Variants in NFKB1 observed in about 807,000 individuals in gnomAD.
NFKB1 encodes nuclear factor NF-kappa-B p105 subunit.
In NFKB1, 9 loss-of-function variants were observed where a neutral mutation model predicts 105.1. That is an observed-to-expected ratio of 0.09 (90% CI 0.05 to 0.15). The LOEUF (loss-of-function observed/expected upper bound fraction) is 0.15, where lower values mean the gene tolerates loss of function less well. Ranked by LOEUF, NFKB1 falls within the 10% of genes least tolerant of loss-of-function variation. The probability of loss-of-function intolerance (pLI) is 1.00; values close to 1 mark genes in which losing one functional copy is unlikely to be tolerated. For missense variants in NFKB1, 830 were observed against 1,203.7 expected, an observed-to-expected ratio of 0.69 and a Z score of 4.59; for synonymous variants, 440 against 442.2, an observed-to-expected ratio of 1.00 and a Z score of 0.06.
At chr4:102,576,814 C>T in intron 6 of NFKB1, 62 bp from the exon 7 acceptor site, 5 of 1,520,234 alleles carry the variant, frequency 3.3e-6, no homozygotes, top group Non-Finnish European at 8.9e-7. Context: ...GCCAGATTCC[C>T]TAGACATTAA....
At chr4:102,506,600 AT>A (rs1739431325) in intron 1 of NFKB1, among the ~76,000 whole-genome samples, 1 of 152,178 alleles carries the variant, frequency 6.6e-6, no homozygotes, top group South Asian at 2.1e-4. Context: ...GAATTTCTGA[AT>A]TGAACCATTT....
At chr4:102,522,402 T>G (rs1246923879) in intron 1 of NFKB1, among the ~76,000 whole-genome samples, 2 of 152,192 alleles carry the variant, frequency 1.3e-5, no homozygotes, top group African/African-American at 4.8e-5. Context: ...TGGACTGCTG[T>G]TAGGCTTTTG....
At position 102,588,652 on chromosome 4, in the gene NFKB1, C is replaced by T. The variant is rs1045619797; in HGVS notation, c.1066+3832C>T. Among the ~76,000 whole-genome samples the T allele has an allele frequency of 2.6e-5, 4 of 152,132 alleles. No individual in the cohort carries two copies. In the South Asian group the frequency reaches 8.3e-4, roughly 32 times the overall value. The stretch of plus-strand genomic sequence containing the variant: ...AGGTAGCAAACACTAGGAGATTATC[C>T]ATATTTGTGAATTGAACTATTATCT... On this transcript the variant is annotated intron_variant, in intron 11 of 23. Coordinates refer to ENST00000226574, the MANE Select transcript of NFKB1 (RefSeq NM_003998.4).
chr4:102,587,072 A>G (rs970590922), intron 11 of NFKB1, among the ~76,000 whole-genome samples: 4 of 152,194 alleles, frequency 2.6e-5, no homozygotes, highest in African/African-American at 9.7e-5. Flanking sequence ...CTTTCTTCAC[A>G]TGAGATTTCA....
chr4:102,534,064 C>T (rs568841327), intron 4 of NFKB1, among the ~76,000 whole-genome samples, 179 bp downstream of exon 4: 2 of 152,156 alleles, frequency 1.3e-5, no homozygotes, highest in East Asian at 1.9e-4. Context: ...ACTCATTGTT[C>T]ACACTGTCCT....
chr4:102,592,188 T>C (rs2149201990), intron 11 of NFKB1, among the ~76,000 whole-genome samples: 1 of 152,338 alleles, frequency 6.6e-6, no homozygotes, highest in South Asian at 2.1e-4. Flanking sequence ...AATCTACTCC[T>C]GGAGAAGATG....
intron 1 of NFKB1, among the ~76,000 whole-genome samples, chr4:102,522,813 GCTT>G (rs1740654773): frequency 6.6e-6 from 1 of 152,130 alleles, no homozygotes; most frequent in Admixed American, 6.6e-5. Flanking sequence ...GGAAGTTTGA[GCTT>G]CTGTGGTATT....
intron 1 of NFKB1, among the ~76,000 whole-genome samples, chr4:102,521,916 G>A (rs971096444): frequency 6.6e-6 from 1 of 152,208 alleles, no homozygotes; most frequent in Non-Finnish European, 1.5e-5. Flanking sequence ...TTTGTTGCTA[G>A]CTAGCTATAC....
intron 7 of NFKB1, 147 bp from the exon 8 acceptor site, chr4:102,578,734 T>A: frequency 1.3e-6 from 1 of 752,556 alleles, no homozygotes; most frequent in South Asian, 2.2e-5. Context: ...AGACTGTTTT[T>A]AACACTTTAT....
rs151274192 is a variant in NFKB1 at position 102,539,562 on chromosome 4, A to T, written c.258+1606A>T. On this transcript the variant is annotated intron_variant, in intron 5 of 23. Coordinates refer to ENST00000226574, the MANE Select transcript of NFKB1 (RefSeq NM_003998.4). ...GTCCACAGAAGCAGACCACGGTCTTATGGCCTCACATCCTTTAGAACCTTG... is the reference window on the plus strand; with the variant it reads ...GTCCACAGAAGCAGACCACGGTCTTTTGGCCTCACATCCTTTAGAACCTTG... Among the ~76,000 whole-genome samples the T allele has an allele frequency of 7.2e-4, 110 of 152,292 alleles. 1 individual carries two copies. The highest frequency in any genetic ancestry group is 1.4e-3 in the Non-Finnish European group (96 of 68,020).
chr4:102,587,514 G>T (rs185937141), intron 11 of NFKB1, among the ~76,000 whole-genome samples: 69 of 151,978 alleles, frequency 4.5e-4, no homozygotes, highest in Non-Finnish European at 9.3e-4. Flanking sequence ...AGAAAAGTAT[G>T]TTATAGTGGG....
intron 6 of NFKB1, 79 bp downstream of exon 6, chr4:102,567,214 C>A (rs969535851): frequency 1.4e-6 from 2 of 1,467,704 alleles, no homozygotes; most frequent in Non-Finnish European, 1.9e-6. Context: ...GAACAGGCCC[C>A]TTTCATTAGG....
intron 5 of NFKB1, among the ~76,000 whole-genome samples, chr4:102,549,637 G>T (rs1460488535): frequency 6.6e-6 from 1 of 151,896 alleles, no homozygotes; most frequent in Admixed American, 6.6e-5. Flanking sequence ...CCACTTGTTT[G>T]ACATTGCCAC....
intron 11 of NFKB1, among the ~76,000 whole-genome samples, chr4:102,591,436 A>G (rs1726165583): frequency 2.0e-5 from 3 of 151,674 alleles, no homozygotes; most frequent in Non-Finnish European, 4.4e-5. Flanking sequence ...AAAAAAAAAA[A>G]AGGCAGACTT....
intron 3 of NFKB1, among the ~76,000 whole-genome samples, chr4:102,532,300 C>G (rs1741343071): frequency 6.6e-6 from 1 of 152,014 alleles, no homozygotes; most frequent in African/African-American, 2.4e-5. Context: ...GTTCTCTAGC[C>G]TTATCCTGAT....
At chr4:102,578,674 G>A (rs1030568791) in intron 7 of NFKB1, 4 of 521,856 alleles carry the variant, frequency 7.7e-6, no homozygotes, top group African/African-American at 7.7e-5. Context: ...CTGTAATCCG[G>A]AGAAAATGCA....
Position 102,586,113 on chromosome 4 carries a change from T to G in NFKB1, c.1066+1293T>G, listed in dbSNP as rs148735949. ...GGAGGCAGATGATGAGTCAGAAGAG[T>G]AATGCAAGAATCCAAGTGAGAAACA... is the stretch of plus-strand genomic sequence containing the variant. On this transcript the variant is annotated intron_variant, in intron 11 of 23. Coordinates refer to ENST00000226574, the MANE Select transcript of NFKB1 (RefSeq NM_003998.4). Among the ~76,000 whole-genome samples the G allele has an allele frequency of 3.0e-3, 459 of 152,068 alleles. 1 individual carries two copies. The highest frequency in any genetic ancestry group is 0.017 in the Middle Eastern group (5 of 294).
At chr4:102,543,438 G>A (rs1043572383) in intron 5 of NFKB1, among the ~76,000 whole-genome samples, 7 of 152,034 alleles carry the variant, frequency 4.6e-5, no homozygotes, top group Admixed American at 1.3e-4. Context: ...AAATGCAAGG[G>A]ACTTGAAACC....
intron 5 of NFKB1, among the ~76,000 whole-genome samples, chr4:102,539,755 A>G (rs1455437622): frequency 6.6e-6 from 1 of 152,176 alleles, no homozygotes; most frequent in Admixed American, 6.5e-5. Context: ...AATTATAATA[A>G]CTGGCCTTTC....
Sources: gnomAD v4.1 joint callset for allele counts (sites outside exome capture counted in the v4.1 genomes callset) on GRCh38, gnomAD v4.1.1 for gene constraint, MANE v1.5 for transcripts, NCBI Gene and HGNC (gene_info 2026-07-23, HGNC 2026-07-21) for gene names.